R3HDM2: variants seen among roughly 807,000 people sequenced by gnomAD.
The protein encoded by R3HDM2 is R3H domain-containing protein 2.
In R3HDM2, 38 loss-of-function variants were observed where a neutral mutation model predicts 124.5. The ratio of observed to expected loss-of-function variants is 0.31; its 90% confidence interval spans 0.24 to 0.40. The LOEUF is 0.40. Ranked by LOEUF, R3HDM2 falls within the 10% of genes least tolerant of loss-of-function variation. The pLI, the probability that R3HDM2 is intolerant of heterozygous loss-of-function variation, is 1.00. For synonymous variants in R3HDM2, 391 were observed against 448.0 expected, an observed-to-expected ratio of 0.87 and a Z score of 1.61; for missense variants, 869 against 1,236.9, an observed-to-expected ratio of 0.70 and a Z score of 4.46.
intron 2 of R3HDM2, among the ~76,000 whole-genome samples, chr12:57,377,084 A>AAATAAATAAATAAATG (rs2064166930): frequency 7.7e-6 from 1 of 130,502 alleles, no homozygotes; most frequent in Non-Finnish European, 1.6e-5. Flanking sequence ...CACGCTAAAT[A>AAATAAATAAATAAATG]AATAAATAAA....
intron 11 of R3HDM2, 110 bp downstream of exon 11, chr12:57,292,461 TA>T: frequency 1.4e-6 from 1 of 738,954 alleles, no homozygotes; most frequent in Non-Finnish European, 2.2e-6. Flanking sequence ...TTGGTTAAAA[TA>T]AAACAAACAA....
chr12:57,361,096 T>G (rs556584649), intron 2 of R3HDM2, among the ~76,000 whole-genome samples: 1 of 149,316 alleles, frequency 6.7e-6, no homozygotes, highest in African/African-American at 2.5e-5. Flanking sequence ...AGCATAGGCT[T>G]TTCTTACAGT....
chr12:57,304,536 A>C, intron 3 of R3HDM2: 1 of 982,286 alleles, frequency 1.0e-6, no homozygotes, highest in Non-Finnish European at 1.2e-6. Flanking sequence ...TTAGCAAATA[A>C]CACGGCCACA....
In R3HDM2 at chr12:57,283,817, G is replaced by GTA. The variant is rs761547113; in HGVS notation, c.1171+5_1171+6dup. Reference sequence around the variant, plus strand: ...GGTATGACATGGAAGAAAAGAAGCTGTAATACCTGGCCTGGAGATCCTTCC... The same window carrying GTA: ...GGTATGACATGGAAGAAAAGAAGCTGTATAATACCTGGCCTGGAGATCCTTCC... On this transcript the variant is annotated splice_region_variant and intron_variant, in intron 13 of 23. Transcript: ENST00000402412. The GTA allele has an allele frequency of 6.8e-6, 11 of 1,613,202 alleles. No homozygotes were observed. Among genetic ancestry groups the GTA allele is most frequent in the Non-Finnish European group, 9.3e-6 (11 of 1,179,160 alleles).
At chr12:57,419,934 A>G (rs1215294921) in intron 1 of R3HDM2, among the ~76,000 whole-genome samples, 1 of 151,814 alleles carries the variant, frequency 6.6e-6, no homozygotes, top group Non-Finnish European at 1.5e-5. Context: ...TATTCAACCA[A>G]CCTGCCTTAC....
chr12:57,345,949 C>G (rs1414839809), intron 2 of R3HDM2, among the ~76,000 whole-genome samples: 3 of 152,136 alleles, frequency 2.0e-5, no homozygotes, highest in Non-Finnish European at 4.4e-5. Flanking sequence ...CACCTGAGAT[C>G]AGGAGTTCCA....
rs566752646 is a variant in R3HDM2, at chr12:57,270,005, A to G, written c.1345-11T>C. On this transcript the variant is annotated splice_polypyrimidine_tract_variant and intron_variant, in intron 14 of 23. Transcript: ENST00000402412. ...GCTGAGGTCATCTGCCTGTTGAGAG[A>G]GTATAAGACACAGGATTGGGGCTGT... 5.6e-6 allele frequency: 9 copies of G among 1,614,118 alleles called. No individual in the cohort carries two copies. In the East Asian group the frequency reaches 1.6e-4, roughly 28 times the overall value.
chr12:57,408,122 G>A (rs1482963472), intron 1 of R3HDM2, among the ~76,000 whole-genome samples: 2 of 152,166 alleles, frequency 1.3e-5, no homozygotes, highest in African/African-American at 4.8e-5. Context: ...GAAGAAACAA[G>A]GTTTCACCAT....
intron 2 of R3HDM2, among the ~76,000 whole-genome samples, chr12:57,329,692 G>A (rs563452586): frequency 5.1e-4 from 77 of 151,564 alleles, no homozygotes; most frequent in Admixed American, 7.9e-4. Context: ...CAGGAGAATC[G>A]CTTGAACCAG....
At chr12:57,291,698 C>G (rs2048664326) in intron 11 of R3HDM2, among the ~76,000 whole-genome samples, 1 of 151,584 alleles carries the variant, frequency 6.6e-6, no homozygotes, top group African/African-American at 2.4e-5. Flanking sequence ...CAAAGAAAAC[C>G]CTGACCATCT....
At chr12:57,312,208 T>TA (rs1348387163) in intron 2 of R3HDM2, among the ~76,000 whole-genome samples, 2 of 152,118 alleles carry the variant, frequency 1.3e-5, no homozygotes, top group Non-Finnish European at 2.9e-5. Flanking sequence ...CAAATCAGTT[T>TA]AAAGGGTAAG....
intron 6 of R3HDM2, 138 bp downstream of exon 6, chr12:57,299,214 G>A (rs1309700666): frequency 3.2e-6 from 3 of 946,222 alleles, no homozygotes; most frequent in Non-Finnish European, 4.6e-6. Context: ...AAGTAACCTC[G>A]TTAGGCATCT....
In R3HDM2 at chr12:57,310,401, T is replaced by A. The variant is rs2053654285; in HGVS notation, c.28A>T (p.Thr10Ser). The change falls in exon 3 of 24, where the codon ACC (threonine) becomes TCC (serine). Residue 10 changes from threonine (T) to serine (S), a missense_variant. Thr to Ser is a moderately conservative substitution (Grantham distance 58, BLOSUM62 1). Around this residue, in one of 2 missense-constraint regions of R3HDM2, gnomAD observed 267 missense variants for 447.7 expected, o/e 0.60. Coordinates refer to ENST00000402412, the MANE Select transcript of R3HDM2 (RefSeq NM_001394031.1). ...TCTGATTCTTTCATTATTTCCAGGG[T>A]CTCTTGAGTAGTGTTACTGTTAGAC... MSNSNTTQE[T>S]LEIMKESEKK... The A allele has an allele frequency of 6.5e-7, 1 of 1,547,510 alleles. No individual in the cohort carries two copies. Among genetic ancestry groups the A allele is most frequent in the African/African-American group, 1.4e-5 (1 of 72,736 alleles).
chr12:57,340,664 G>A (rs2136953283), intron 2 of R3HDM2, among the ~76,000 whole-genome samples: 1 of 152,262 alleles, frequency 6.6e-6, no homozygotes, highest in South Asian at 2.1e-4. Context: ...AGAATTCAGA[G>A]TAAATGAAAG....
chr12:57,394,540 T>C (rs1244336876), intron 2 of R3HDM2, among the ~76,000 whole-genome samples: 1 of 152,154 alleles, frequency 6.6e-6, no homozygotes, highest in African/African-American at 2.4e-5. Context: ...GGCGCATGTA[T>C]ACCTTTAATA....
intron 1 of R3HDM2, among the ~76,000 whole-genome samples, chr12:57,413,427 T>TA (rs2069197684): frequency 2.8e-5 from 4 of 141,106 alleles, no homozygotes; most frequent in Non-Finnish European, 4.6e-5. Flanking sequence ...AACCTTCTAT[T>TA]TAAAAAAAAA....
chr12:57,271,895 T>TTC (rs910762964), intron 14 of R3HDM2, among the ~76,000 whole-genome samples: 5 of 115,652 alleles, frequency 4.3e-5, no homozygotes, highest in African/African-American at 2.2e-4. Flanking sequence ...TGCAACTGCA[T>TTC]TTTTTTTTTT....
chr12:57,254,930 T>C lies in R3HDM2; in HGVS notation c.2816A>G (p.Asp939Gly), dbSNP rs1193426396. 6.2e-7 allele frequency: 1 copy of C among 1,614,058 alleles called. No homozygotes were observed. Among genetic ancestry groups the C allele is most frequent in the Admixed American group, 1.7e-5 (1 of 60,014 alleles). Residue 939 changes from aspartate (D) to glycine (G), a missense_variant, in exon 24 of 24, where the codon GAC (aspartate) becomes GGC (glycine). Physicochemically the swap from Asp to Gly is moderately conservative, Grantham distance 94 (BLOSUM62 -1). Coordinates refer to ENST00000402412, the MANE Select transcript of R3HDM2 (RefSeq NM_001394031.1). ...SGTAENGRHSDLAALYTIVAV... is the reference protein window; with the variant it reads ...SGTAENGRHSGLAALYTIVAV... ...CACAATGGTGTACAAGGCAGCGAGG[T>C]CCGAGTGGCGGCCATTCTCAGCAGT...
intron 2 of R3HDM2, among the ~76,000 whole-genome samples, chr12:57,362,612 T>C (rs895533952): frequency 1.1e-3 from 168 of 152,318 alleles, no homozygotes; most frequent in African/African-American, 3.9e-3. Flanking sequence ...AACCCCCACA[T>C]TGTTCAAGAG....
Sources: gnomAD v4.1 joint callset for allele counts (sites outside exome capture counted in the v4.1 genomes callset) on GRCh38, gnomAD v4.1.1 for gene constraint, gnomAD v4.1.1 regional missense constraint, MANE v1.5 for transcripts, NCBI Gene and HGNC (gene_info 2026-07-23, HGNC 2026-07-21) for gene names.